SYTL2: variants seen among roughly 807,000 people sequenced by gnomAD.
SYTL2 encodes synaptotagmin like 2.
SYTL2 carries 165 observed loss-of-function variants against 198.7 expected under a neutral mutation model. The ratio of observed to expected loss-of-function variants is 0.83; its 90% CI spans 0.73 to 0.94. The LOEUF (loss-of-function observed/expected upper bound fraction) is 0.94. Among genes scored for constraint, SYTL2 ranks in the 40% least tolerant of loss-of-function variants. The pLI is 0.00. For synonymous variants in SYTL2, 966 were observed against 917.7 expected (o/e 1.05, Z -0.95); for missense variants, 2,835 against 2,582.8 (o/e 1.10, Z -2.12).
Position 85,734,718 on chromosome 11 carries a change from T to A in SYTL2, c.611A>T (p.Lys204Met), listed in dbSNP as rs749808235. 1.9e-6 allele frequency: 3 copies of A among 1,612,896 alleles called. No individual in the cohort carries two copies. Among genetic ancestry groups the A allele is most frequent in the Non-Finnish European group, 2.5e-6 (3 of 1,179,590 alleles). ...KEDELSESKEKSTVADTSIQK... is the reference protein window; with the variant it reads ...KEDELSESKEMSTVADTSIQK... Reference sequence around the variant, plus strand: ...GATTGAAGTATCTGCGACAGTTGACTTTTCTTTTGACTCTGACAATTCATC... The same window carrying A: ...GATTGAAGTATCTGCGACAGTTGACATTTCTTTTGACTCTGACAATTCATC... Residue 204 changes from lysine to methionine, a missense_variant, in exon 7 of 20, where the codon AAG (lysine) becomes ATG (methionine). Around this residue, in one of 3 missense-constraint regions of SYTL2, gnomAD observed 2,645 missense variants for 2,381.7 expected, o/e 1.11. Transcript: ENST00000359152.
At position 85,757,917 on chromosome 11, in the gene SYTL2, C is replaced by A. The variant is rs981434058; in HGVS notation, c.-192G>T. ...TAGCAAGATCCTAAGTGCTCTTTCC[C>A]ATGAGGAAGTCCTGGTCTGTGGGAT... On this transcript the variant is annotated 5_prime_UTR_variant, in exon 2 of 20. An upstream start codon of the reference 5' UTR is lost. Coordinates refer to ENST00000359152, the MANE Select transcript of SYTL2 (RefSeq NM_206927.4). 133 of 659,838 alleles carry A rather than the reference C, an allele frequency of 2.0e-4. No homozygotes were observed. Among genetic ancestry groups the A allele is most frequent in the Non-Finnish European group, 8.8e-5 (35 of 396,270 alleles). 40.9% of individuals were successfully genotyped at this position (659,838 alleles called of 1,614,324 possible).
intron 1 of SYTL2, among the ~76,000 whole-genome samples, chr11:85,804,406 C>T (rs1807574369): frequency 6.6e-6 from 1 of 152,172 alleles, no homozygotes; most frequent in Non-Finnish European, 1.5e-5. Flanking sequence ...AGATCCAAGG[C>T]ATGGGCTCTG....
At position 85,790,584 on chromosome 11, in the gene SYTL2, G is replaced by A. The variant is rs571535522; in HGVS notation, c.-390+20370C>T. On this transcript the variant is annotated intron_variant, in intron 1 of 19. Coordinates refer to ENST00000359152, the MANE Select transcript of SYTL2 (RefSeq NM_206927.4). Reference sequence around the variant, plus strand: ...GTACCTACAATGTGCCCAACCCTGTGCCTTCTCTCCCATTCCAGGTTCACC... The same window carrying A: ...GTACCTACAATGTGCCCAACCCTGTACCTTCTCTCCCATTCCAGGTTCACC... Among the ~76,000 whole-genome samples the A allele has an allele frequency of 1.3e-5, 2 of 152,304 alleles. 1 individual carries two copies. Among genetic ancestry groups the A allele is most frequent in the South Asian group, 4.1e-4 (2 of 4,828 alleles).
At chr11:85,777,636 C>G (rs755458566) in intron 1 of SYTL2, among the ~76,000 whole-genome samples, 8 of 150,840 alleles carry the variant, frequency 5.3e-5, no homozygotes, top group Non-Finnish European at 8.9e-5. Flanking sequence ...TAATCCCCCC[C>G]CAACCCACAC....
At chr11:85,845,119 T>C in the SYTL2 span, among the ~76,000 whole-genome samples, 1 of 152,226 alleles carries the variant, frequency 6.6e-6, no homozygotes, top group African/African-American at 2.4e-5. Context: ...AGATCTCAAT[T>C]CCTCTGGAAA....
At position 85,779,805 on chromosome 11, in the gene SYTL2, G is replaced by A. The variant is rs368453754; in HGVS notation, c.-389-21691C>T. Among the ~76,000 whole-genome samples the A allele has an allele frequency of 4.6e-5, 7 of 152,150 alleles. No homozygotes were observed. The East Asian group carries it at 9.6e-4, about 21-fold the overall frequency. On this transcript the variant is annotated intron_variant, in intron 1 of 19. Coordinates refer to ENST00000359152, the MANE Select transcript of SYTL2 (RefSeq NM_206927.4). ...AGTAAATACTTCCTAAGGACATACT[G>A]TGTGAGAAGACTTGTTAGGTACATC...
At chr11:85,747,215 G>A (rs557143138) in intron 3 of SYTL2, among the ~76,000 whole-genome samples, 25 of 152,148 alleles carry the variant, frequency 1.6e-4, no homozygotes, top group African/African-American at 5.8e-4. Context: ...AGCACTTTGG[G>A]AGGGTGAGGC....
At position 85,727,356 on chromosome 11, in the gene SYTL2, T is replaced by A; in HGVS notation, c.2002A>T (p.Asn668Tyr). The A allele has an allele frequency of 6.5e-7, 1 of 1,536,248 alleles. No individual in the cohort carries two copies. Among genetic ancestry groups the A allele is most frequent in the Non-Finnish European group, 8.7e-7 (1 of 1,146,914 alleles). ...KGNGASPSNS[N>Y]YSYSVLKESD... ...TCCTTGAGAACACTGTAGGAATAGT[T>A]ACTATTTGAAGGAGATGCCCCATTC... is the stretch of plus-strand genomic sequence containing the variant. The change falls in exon 8 of 20, where the codon AAC becomes TAC. Residue 668 changes from asparagine to tyrosine, a missense_variant. Physicochemically the swap from Asn to Tyr is moderately radical, Grantham distance 143. Transcript: ENST00000359152.
intron 10 of SYTL2, chr11:85,718,116 T>G (rs1241282538): frequency 5.9e-6 from 1 of 169,998 alleles, no homozygotes; most frequent in Non-Finnish European, 1.3e-5. Flanking sequence ...AAATCCAGCA[T>G]GCAAATACAA....
upstream of SYTL2, among the ~76,000 whole-genome samples, chr11:85,813,289 C>T (rs921031685): frequency 6.6e-6 from 1 of 151,528 alleles, no homozygotes; most frequent in Non-Finnish European, 1.5e-5. Context: ...AATTACTCAA[C>T]CTCCCTGTGC....
chr11:85,767,941 G>C (rs1417940291), intron 1 of SYTL2, among the ~76,000 whole-genome samples: 1 of 152,152 alleles, frequency 6.6e-6, no homozygotes, highest in Non-Finnish European at 1.5e-5. Context: ...AAAATACAAA[G>C]AGGCAAGGTC....
intron 1 of SYTL2, among the ~76,000 whole-genome samples, chr11:85,759,153 G>A (rs1010111812): frequency 1.3e-5 from 2 of 151,660 alleles, no homozygotes; most frequent in Admixed American, 6.6e-5. Flanking sequence ...GGCTGAGGCA[G>A]GAGAATCTCT....
rs374075595 is a variant in SYTL2 at position 85,704,863 on chromosome 11, G to A, written c.6184C>T (p.Arg2062Trp). ...NKQLRWYPLK[R>W]KTAPVALEAE... The stretch of plus-strand genomic sequence containing the variant: ...ACAAAAAATTCCGGACTCACCTTCC[G>A]CTTCAGAGGGTACCATCTCAATTGT... The change falls in exon 16 of 20, where the codon CGG (arginine) becomes TGG (tryptophan). Residue 2062 changes from arginine to tryptophan, a missense_variant. Arg to Trp is a moderately radical substitution (Grantham distance 101). Transcript: ENST00000359152. 18 of 1,611,144 alleles carry A rather than the reference G, an allele frequency of 1.1e-5. No individual in the cohort carries two copies. The highest frequency in any genetic ancestry group is 1.7e-4 in the Middle Eastern group (1 of 6,048).
chr11:85,733,564 C>G (rs897713038), intron 7 of SYTL2: 2 of 156,060 alleles, frequency 1.3e-5, no homozygotes, highest in African/African-American at 5.1e-5. Flanking sequence ...CTGGCCTGGG[C>G]ATTTCAAGCC....
chr11:85,816,465 A>G, the SYTL2 span, among the ~76,000 whole-genome samples: 5 of 152,236 alleles, frequency 3.3e-5, no homozygotes, highest in African/African-American at 1.2e-4. Flanking sequence ...AATAGTTGTT[A>G]CCAGGGGCTA....
chr11:85,753,480 C>T (rs2091671901), intron 2 of SYTL2, among the ~76,000 whole-genome samples: 1 of 152,108 alleles, frequency 6.6e-6, no homozygotes, highest in African/African-American at 2.4e-5. Flanking sequence ...CAGAGACACC[C>T]CAGTGACTAT....
intron 9 of SYTL2, among the ~76,000 whole-genome samples, chr11:85,720,186 T>C (rs1399926274): frequency 6.6e-6 from 1 of 152,180 alleles, no homozygotes; most frequent in Non-Finnish European, 1.5e-5. Flanking sequence ...ATAGTTCCAG[T>C]ATCTAGAAGA....
chr11:85,747,540 T>TC (rs1347355643), intron 3 of SYTL2, among the ~76,000 whole-genome samples: 2 of 152,048 alleles, frequency 1.3e-5, no homozygotes, highest in Non-Finnish European at 2.9e-5. Context: ...CATTTTTATT[T>TC]CCCCCCTCTT....
chr11:85,834,062 A>G, the SYTL2 span, among the ~76,000 whole-genome samples: 1,674 of 152,204 alleles, frequency 0.011, 23 homozygotes, highest in African/African-American at 0.034. Flanking sequence ...GTTCTCACAT[A>G]TAAGGTTTCA....
Sources: allele counts gnomAD v4.1 joint callset (sites outside exome capture counted in the v4.1 genomes callset), GRCh38; gene constraint gnomAD v4.1.1; regional missense constraint gnomAD v4.1.1; transcripts MANE v1.5; gene names NCBI Gene and HGNC (gene_info 2026-07-23, HGNC 2026-07-21).